Variants in PAX2 observed in about 807,000 individuals in gnomAD.
PAX2 encodes paired box protein Pax-2.
A neutral mutation model predicts 41.7 loss-of-function variants in PAX2; 9 were observed. The observed-to-expected ratio is 0.22, with a 90% confidence interval of 0.13 to 0.38. The LOEUF (loss-of-function observed/expected upper bound fraction) is 0.38. Among genes scored for constraint, PAX2 ranks in the 10% least tolerant of loss-of-function variants. PAX2 has a pLI of 1.00. For synonymous variants in PAX2, 221 were observed against 212.7 expected (o/e 1.04, Z -0.34); for missense variants, 418 against 531.6 (o/e 0.79, Z 2.10).
In PAX2 at chr10:100,829,849, C is replaced by T. The variant is rs1400713536; in HGVS notation, c.*2230C>T. 5.2e-6 allele frequency: 1 copy of T among 191,316 alleles called. No individual in the cohort carries two copies. Among genetic ancestry groups the T allele is most frequent in the African/African-American group, 2.3e-5 (1 of 42,892 alleles). The allele number at this position is 191,316 out of a possible 1,614,324, so 11.9% of individuals were successfully genotyped here. ...CGGACGGTTCTGGTCTCCTCGGCCA[C>T]TTTCAGTGCGTCGGTTCGTTTTGAT... On this transcript the variant is annotated 3_prime_UTR_variant, in exon 10 of 10. Transcript: ENST00000355243.
At chr10:100,806,679 T>C (rs1847794591) in intron 6 of PAX2, 74 bp downstream of exon 6, 1 of 1,264,768 alleles carries the variant, frequency 7.9e-7, no homozygotes, top group Non-Finnish European at 1.1e-6. Flanking sequence ...ACTTGTTCAC[T>C]AAACACCACA....
intron 3 of PAX2, among the ~76,000 whole-genome samples, chr10:100,759,228 G>A (rs1007355966): frequency 1.3e-5 from 2 of 152,208 alleles, no homozygotes; most frequent in African/African-American, 4.8e-5. Flanking sequence ...GGGCCCTGAG[G>A]AGGGGCCCAG....
intron 3 of PAX2, among the ~76,000 whole-genome samples, chr10:100,765,024 A>C (rs1564714864): frequency 6.6e-6 from 1 of 152,188 alleles, no homozygotes; most frequent in Non-Finnish European, 1.5e-5. Flanking sequence ...TAACAAATTC[A>C]AATGAAATCT....
intron 7 of PAX2, among the ~76,000 whole-genome samples, chr10:100,816,921 A>G (rs1848205786): frequency 6.6e-6 from 1 of 152,184 alleles, no homozygotes; most frequent in Admixed American, 6.5e-5. Context: ...TTAGGGTTTC[A>G]CTTACACAGA....
chr10:100,773,426 A>G (rs922272325), intron 3 of PAX2, among the ~76,000 whole-genome samples: 1 of 152,114 alleles, frequency 6.6e-6, no homozygotes, highest in Non-Finnish European at 1.5e-5. Context: ...TCTTGTCTCC[A>G]CCTCAGGGAG....
At chr10:100,778,778 C>T (rs1032925115) in intron 3 of PAX2, among the ~76,000 whole-genome samples, 2 of 152,180 alleles carry the variant, frequency 1.3e-5, no homozygotes, top group African/African-American at 2.4e-5. Context: ...ACCAGGCTGG[C>T]AAAGACGCTG....
At chr10:100,747,549 A>C (rs1845238545) in intron 1 of PAX2, 4 of 885,054 alleles carry the variant, frequency 4.5e-6, no homozygotes, top group South Asian at 1.1e-4. Context: ...AATTAAGGAT[A>C]ATTTGTAACT....
At chr10:100,760,334 G>A (rs1564712335) in intron 3 of PAX2, among the ~76,000 whole-genome samples, 1 of 152,166 alleles carries the variant, frequency 6.6e-6, no homozygotes, top group African/African-American at 2.4e-5. Flanking sequence ...CACTTTGATG[G>A]CCTGCCTGTT....
Position 100,750,929 on chromosome 10 carries a change from G to A in PAX2, c.410+38G>A, listed in dbSNP as rs1334120359. On this transcript the variant is annotated intron_variant, in intron 3 of 9. Transcript: ENST00000355243. The surrounding 1 kb of genome is among the most constrained non-coding windows in gnomAD (Gnocchi z 4.1). ...CCCGGGTTTTCAGGGCTGGACTCCA[G>A]CTCCTGGCTCCTGCCTGCAGGGGTG... 2 of 1,493,642 alleles carry A rather than the reference G, an allele frequency of 1.3e-6. No homozygotes were observed. The highest frequency in any genetic ancestry group is 1.9e-6 in the Non-Finnish European group (2 of 1,072,150). 92.5% of individuals were successfully genotyped at this position (1,493,642 alleles called of 1,614,324 possible).
rs1458299278 is a variant in PAX2, at chr10:100,829,258, C to A, written c.*1639C>A. The A allele has an allele frequency of 2.6e-5, 6 of 231,084 alleles. No individual in the cohort carries two copies. The highest frequency in any genetic ancestry group is 1.1e-4 in the African/African-American group (5 of 45,128). The allele number at this position is 231,084 out of a possible 1,614,324, so 14.3% of individuals were successfully genotyped here. The stretch of plus-strand genomic sequence containing the variant: ...GCCCCTCTCTCCTCTCCGCTTCTCT[C>A]CCCCTCTGTCTCTGTCTCTCTCCGT... On this transcript the variant is annotated 3_prime_UTR_variant, in exon 10 of 10. Coordinates refer to ENST00000355243, the MANE Select transcript of PAX2 (RefSeq NM_000278.5).
chr10:100,800,564 T>C (rs1847525652), intron 5 of PAX2, among the ~76,000 whole-genome samples: 1 of 152,192 alleles, frequency 6.6e-6, no homozygotes, highest in African/African-American at 2.4e-5. Flanking sequence ...CATGAGCCAC[T>C]ATGCCTGGCC....
intron 1 of PAX2, chr10:100,749,007 T>C: frequency 1.0e-6 from 1 of 985,472 alleles, no homozygotes; most frequent in Non-Finnish European, 1.2e-6. Flanking sequence ...TCCCTGTCTC[T>C]GAGCGCAGCA....
intron 5 of PAX2, among the ~76,000 whole-genome samples, chr10:100,800,273 CTTTTTTTTTTTT>C (rs59487758): frequency 1.8e-5 from 2 of 108,404 alleles, no homozygotes; most frequent in South Asian, 5.5e-4. Context: ...TCTTTTCTTT[CTTTTTTTTTTTT>C]TTTTTTTTTT....
At chr10:100,745,378 C>T (rs967481186), upstream of PAX2, among the ~76,000 whole-genome samples, 1 of 151,702 alleles carries the variant, frequency 6.6e-6, no homozygotes, top group Non-Finnish European at 1.5e-5. Context: ...TCTCCCTCCC[C>T]TGCCCTCCCC....
intron 3 of PAX2, among the ~76,000 whole-genome samples, chr10:100,760,718 T>C (rs896838327): frequency 6.6e-6 from 1 of 151,400 alleles, no homozygotes; most frequent in Non-Finnish European, 1.5e-5. Flanking sequence ...CTTCCCCCAG[T>C]CCCTTACTTT....
intron 5 of PAX2, among the ~76,000 whole-genome samples, chr10:100,804,280 A>ACACG (rs1847679130): frequency 6.6e-6 from 1 of 151,598 alleles, no homozygotes; most frequent in Admixed American, 6.6e-5. Flanking sequence ...CTACACACAC[A>ACACG]CACACACACA....
At chr10:100,766,209 A>G (rs1296499486) in intron 3 of PAX2, among the ~76,000 whole-genome samples, 4 of 152,262 alleles carry the variant, frequency 2.6e-5, no homozygotes, top group African/African-American at 9.6e-5. Flanking sequence ...GATCAAGGGA[A>G]GTGCAGGCAC....
upstream of PAX2, among the ~76,000 whole-genome samples, chr10:100,741,409 C>CAAAA (rs71013465): frequency 9.0e-6 from 1 of 111,310 alleles, no homozygotes; most frequent in African/African-American, 3.6e-5. Flanking sequence ...GAAGCTCTTC[C>CAAAA]AAAAAAAAAA....
intron 3 of PAX2, among the ~76,000 whole-genome samples, chr10:100,763,857 C>A (rs1351593916): frequency 2.6e-5 from 4 of 152,216 alleles, no homozygotes; most frequent in Non-Finnish European, 4.4e-5. Context: ...CTTCCCTACT[C>A]ACTGGCTAGA....
Sources: allele counts gnomAD v4.1 joint callset (sites outside exome capture counted in the v4.1 genomes callset), GRCh38; gene constraint gnomAD v4.1.1; non-coding constraint Gnocchi (gnomAD v3.1); transcripts MANE v1.5; gene names NCBI Gene and HGNC (gene_info 2026-07-23, HGNC 2026-07-21).